CDC6: variants seen among roughly 807,000 people sequenced by gnomAD.
The protein encoded by CDC6 is DNA replication factor CDC6.
In CDC6, 46 loss-of-function variants were observed where a neutral mutation model predicts 60.2. The ratio of observed to expected loss-of-function variants is 0.76; its 90% confidence interval spans 0.60 to 0.98. The LOEUF is 0.98. CDC6 is among the 50% of genes least tolerant of loss of function. The probability of loss-of-function intolerance (pLI) is 0.00; values close to 1 mark genes in which losing one functional copy is unlikely to be tolerated. For synonymous variants in CDC6, 210 were observed against 233.2 expected (o/e 0.90, Z 0.90); for missense variants, 596 against 652.9 (o/e 0.91, Z 0.95).
chr17:40,296,569 A>G (rs2032862853), intron 8 of CDC6, 134 bp from the exon 9 acceptor site: 5 of 675,810 alleles, frequency 7.4e-6, no homozygotes, highest in South Asian at 1.7e-5. Flanking sequence ...AGGCTAAACC[A>G]TGTTAGCCTA....
At chr17:40,289,356 T>G in intron 1 of CDC6, 52 bp from the exon 2 acceptor site, 1 of 1,357,496 alleles carries the variant, frequency 7.4e-7, no homozygotes, top group East Asian at 2.3e-5. Context: ...TTAGTTATTT[T>G]CTCTTCACTT....
chr17:40,291,431 TTCTGTTGTG>T, intron 3 of CDC6, 29 bp from the exon 4 acceptor site: 1 of 1,613,026 alleles, frequency 6.2e-7, no homozygotes, highest in South Asian at 1.1e-5. Context: ...CTCATTCACC[TTCTGTTGTG>T]TCTAATTGAC....
In CDC6 at chr17:40,300,108, G is replaced by A. The variant is rs1402808801; in HGVS notation, c.1250-720G>A. Among the ~76,000 whole-genome samples the A allele has an allele frequency of 7.2e-5, 11 of 152,062 alleles. No homozygotes were observed. The South Asian group carries it at 1.9e-3, about 26-fold the overall frequency. ...CTCCCAAGTAGCTGGGATTACAGGCGCCTGCCACCACATCCAGCTAATTTT... is the reference window on the plus strand; with the variant it reads ...CTCCCAAGTAGCTGGGATTACAGGCACCTGCCACCACATCCAGCTAATTTT... On this transcript the variant is annotated intron_variant, in intron 9 of 11. Transcript: ENST00000209728.
chr17:40,293,447 T>G lies in CDC6; in HGVS notation c.661-9T>G, dbSNP rs1347902809. ...AAAATAACTCCCATATTTGCATTTT[T>G]TTTTCCAGAAGGAACTGAAAGGCTT... On this transcript the variant is annotated splice_polypyrimidine_tract_variant and intron_variant, in intron 4 of 11. Transcript: ENST00000209728. 1 of 1,613,536 alleles carries G rather than the reference T, an allele frequency of 6.2e-7. No individual in the cohort carries two copies. The highest frequency in any genetic ancestry group is 8.5e-7 in the Non-Finnish European group (1 of 1,179,456).
In CDC6 at chr17:40,300,877, C is replaced by G; in HGVS notation, c.1299C>G (p.His433Gln). Reference protein sequence around the residue: ...PLIPKRVGLIHISQVISEVDG... With the variant: ...PLIPKRVGLIQISQVISEVDG... ...TTCCCAAGAGGGTTGGTCTTATTCA[C>G]ATATCCCAAGTCATCTCAGAAGTTG... Residue 433 changes from histidine to glutamine, a missense_variant, in exon 10 of 12, where the codon CAC becomes CAG. Coordinates refer to ENST00000209728, the MANE Select transcript of CDC6 (RefSeq NM_001254.4). 1 of 1,614,126 alleles carries G rather than the reference C, an allele frequency of 6.2e-7. No individual in the cohort carries two copies. The highest frequency in any genetic ancestry group is 8.5e-7 in the Non-Finnish European group (1 of 1,179,954).
intron 4 of CDC6, among the ~76,000 whole-genome samples, chr17:40,291,888 G>A (rs1328112162): frequency 6.6e-6 from 1 of 152,176 alleles, no homozygotes; most frequent in Non-Finnish European, 1.5e-5. Flanking sequence ...TGGGACTACA[G>A]GCGCCCGCCA....
intron 1 of CDC6, among the ~76,000 whole-genome samples, chr17:40,288,616 G>C (rs1480685568): frequency 7.9e-6 from 1 of 127,168 alleles, no homozygotes; most frequent in Non-Finnish European, 1.6e-5. Context: ...ACGGAGTCTC[G>C]CTCGGTCTCC....
At chr17:40,301,063 A>G in intron 10 of CDC6, 33 bp downstream of exon 10, 1 of 1,445,580 alleles carries the variant, frequency 6.9e-7, no homozygotes, top group Non-Finnish European at 9.7e-7. Flanking sequence ...GAACGGAGGT[A>G]GAGATCAGAA....
chr17:40,296,214 A>G (rs2032856830), intron 8 of CDC6, among the ~76,000 whole-genome samples: 2 of 152,190 alleles, frequency 1.3e-5, no homozygotes, highest in South Asian at 4.1e-4. Flanking sequence ...CATGTAGGCT[A>G]GCGTGGTTTA....
At chr17:40,289,642 CT>C in intron 2 of CDC6, 44 bp downstream of exon 2, 1 of 1,490,202 alleles carries the variant, frequency 6.7e-7, no homozygotes, top group Non-Finnish European at 9.3e-7. Flanking sequence ...AGCTCGTGAC[CT>C]TTCTTTTCTT....
rs372940799 is a variant in CDC6 at position 40,291,697 on chromosome 17, C to G, written c.660+29C>G. 1.5e-5 allele frequency: 24 copies of G among 1,578,740 alleles called. No homozygotes were observed. The African/African-American group carries it at 3.0e-4, about 19-fold the overall frequency. ...CATTGAGAGTCTGAATTATGATACT[C>G]TTGGTAAAATGATACTTGGGTGTTT... On this transcript the variant is annotated intron_variant, in intron 4 of 11. Coordinates refer to ENST00000209728, the MANE Select transcript of CDC6 (RefSeq NM_001254.4).
chr17:40,301,542 T>G lies in CDC6; in HGVS notation c.1527T>G (p.Leu509=). 6.2e-7 allele frequency: 1 copy of G among 1,614,096 alleles called. No homozygotes were observed. Among genetic ancestry groups the G allele is most frequent in the South Asian group, 1.1e-5 (1 of 91,084 alleles). The change falls in exon 11 of 12, where the codon CTT becomes CTG. Residue 509 remains leucine (L), a synonymous_variant. Coordinates refer to ENST00000209728, the MANE Select transcript of CDC6 (RefSeq NM_001254.4). ...AAVDQSECLS[L]SGLLEARGIL... Reference sequence around the variant, plus strand: ...TGGACCAGTCAGAGTGTTTGTCACTTTCAGGGCTCTTGGAAGCCAGGGGCA... The same window carrying G: ...TGGACCAGTCAGAGTGTTTGTCACTGTCAGGGCTCTTGGAAGCCAGGGGCA...
rs1008658617 is a variant in CDC6 at position 40,302,299 on chromosome 17, T to A, written c.*298T>A. ...GTACAGATCTGTGTAGAGGAATGTG[T>A]GTATATTTACCTCTTCGTTTGCTCA... On this transcript the variant is annotated 3_prime_UTR_variant, in exon 12 of 12. Transcript: ENST00000209728. The A allele has an allele frequency of 1.6e-5, 6 of 375,754 alleles. No individual in the cohort carries two copies. The highest frequency in any genetic ancestry group is 8.6e-5 in the Admixed American group (2 of 23,176). 23.3% of individuals were successfully genotyped at this position (375,754 alleles called of 1,614,324 possible). A position where few individuals can be genotyped will look rare whatever the true frequency, so the allele number is the denominator to read the frequency against.
Position 40,301,491 on chromosome 17 carries a change from C to G in CDC6, c.1476C>G (p.Val492=). 1.9e-6 allele frequency: 3 copies of G among 1,614,080 alleles called. No individual in the cohort carries two copies. The highest frequency in any genetic ancestry group is 2.5e-6 in the Non-Finnish European group (3 of 1,179,910). The part of the protein sequence containing the change: ...LGKLYEAYSK[V]CRKQQVAAVD... ...AGTTATATGAAGCCTACAGTAAAGT[C>G]TGTCGCAAACAGCAGGTGGCGGCTG... Residue 492 remains valine, a synonymous_variant, in exon 11 of 12, where the codon GTC becomes GTG. Coordinates refer to ENST00000209728, the MANE Select transcript of CDC6 (RefSeq NM_001254.4).
intron 4 of CDC6, among the ~76,000 whole-genome samples, chr17:40,292,999 G>A (rs1567734310): frequency 6.6e-6 from 1 of 152,020 alleles, no homozygotes; most frequent in East Asian, 1.9e-4. Context: ...AACACTTTGG[G>A]AGGCTGAGGC....
intron 9 of CDC6, among the ~76,000 whole-genome samples, chr17:40,297,291 T>G (rs564153265): frequency 4.2e-4 from 64 of 152,102 alleles, no homozygotes; most frequent in African/African-American, 1.5e-3. Flanking sequence ...TTTAAAAATT[T>G]TGCAGCCATT....
At chr17:40,299,964 T>C (rs911867197) in intron 9 of CDC6, among the ~76,000 whole-genome samples, 1 of 151,886 alleles carries the variant, frequency 6.6e-6, no homozygotes, top group Non-Finnish European at 1.5e-5. Context: ...AACTTTTTTT[T>C]CCCTTTCTTT....
At chr17:40,295,182 G>A (rs868495190) in intron 7 of CDC6, among the ~76,000 whole-genome samples, 174 bp from the exon 8 acceptor site, 1 of 152,132 alleles carries the variant, frequency 6.6e-6, no homozygotes, top group Admixed American at 6.5e-5. Context: ...AAGCTTAAAT[G>A]TGTGAAAACT....
chr17:40,295,658 T>G (rs924062811), intron 8 of CDC6, among the ~76,000 whole-genome samples: 1 of 152,172 alleles, frequency 6.6e-6, no homozygotes, highest in Non-Finnish European at 1.5e-5. Context: ...GTCCATTACC[T>G]ACAGAGGGAG....
Sources: gnomAD v4.1 joint callset for allele counts (sites outside exome capture counted in the v4.1 genomes callset) on GRCh38, gnomAD v4.1.1 for gene constraint, MANE v1.5 for transcripts, NCBI Gene and HGNC (gene_info 2026-07-23, HGNC 2026-07-21) for gene names.